Variants in C9orf153 observed in about 807,000 individuals in gnomAD.
The protein encoded by C9orf153 is chromosome 9 open reading frame 153, also known as uncharacterized protein C9orf153.
In C9orf153, 10 loss-of-function variants were observed where a neutral mutation model predicts 9.0. The ratio of observed to expected loss-of-function variants is 1.11; its 90% CI spans 0.69 to 1.89. The LOEUF (loss-of-function observed/expected upper bound fraction) is 1.89, where lower values mean the gene tolerates loss of function less well. Among genes scored for constraint, C9orf153 ranks in the 40% most tolerant of loss-of-function variants. C9orf153 has a pLI of 0.00. For missense variants in C9orf153, 108 were observed against 111.0 expected (o/e 0.97, Z 0.12); for synonymous variants, 35 against 37.3 (o/e 0.94, Z 0.23).
At chr9:86,229,367 T>C (rs1824411915) in intron 2 of C9orf153, among the ~76,000 whole-genome samples, 171 bp downstream of exon 2, 1 of 152,078 alleles carries the variant, frequency 6.6e-6, no homozygotes, top group Admixed American at 6.6e-5. Context: ...CCACCTGCCC[T>C]GGGAAGAGCT....
chr9:86,221,149 T>C lies in C9orf153; in HGVS notation c.*539A>G, dbSNP rs1354784789. On this transcript the variant is annotated 3_prime_UTR_variant, in exon 4 of 4. Coordinates refer to ENST00000339137, the MANE Select transcript of C9orf153 (RefSeq NM_001276366.4). ...ATATGCTCAGATGTTAATTTGTTTG[T>C]TGAATGTACCAAATACTTTATGATG... 3 of 152,312 alleles carry C rather than the reference T, an allele frequency of 2.0e-5. No homozygotes were observed. The highest frequency in any genetic ancestry group is 2.9e-5 in the Non-Finnish European group (2 of 68,098). The allele number at this position is 152,312 out of a possible 1,614,324, so 9.4% of individuals were successfully genotyped here. A position where few individuals can be genotyped will look rare whatever the true frequency, so the allele number is the denominator to read the frequency against.
In C9orf153 at chr9:86,228,033, G is replaced by A; in HGVS notation, c.67-3C>T. 1 of 1,574,564 alleles carries A rather than the reference G, an allele frequency of 6.4e-7. No individual in the cohort carries two copies. Among genetic ancestry groups the A allele is most frequent in the East Asian group, 2.3e-5 (1 of 43,922 alleles). ...ATACATGCATATAATTCTGGAAGCT[G>A]TGGACAAAAAAAAAAGTGGTAAGTC... On this transcript the variant is annotated splice_polypyrimidine_tract_variant and splice_region_variant and intron_variant, in intron 2 of 3. Transcript: ENST00000339137.
At chr9:86,226,329 T>C (rs995585674) in intron 3 of C9orf153, among the ~76,000 whole-genome samples, 6 of 152,104 alleles carry the variant, frequency 3.9e-5, no homozygotes. Flanking sequence ...TTACTTTTTT[T>C]TTTCTTCTTT....
chr9:86,233,453 C>G (rs953273564), intron 1 of C9orf153, among the ~76,000 whole-genome samples: 3 of 151,936 alleles, frequency 2.0e-5, no homozygotes, highest in African/African-American at 7.3e-5. Flanking sequence ...GTCTGGTTCT[C>G]TCACCCAGGC....
chr9:86,232,738 C>CTTTTTTTTTTTTTTTT, intron 1 of C9orf153, among the ~76,000 whole-genome samples: 1 of 151,720 alleles, frequency 6.6e-6, no homozygotes, highest in African/African-American at 2.4e-5. Context: ...TTTTTCTTTT[C>CTTTTTTTTTTTTTTTT]TTTTCTTTTT....
chr9:86,224,785 A>AG (rs2131171639), intron 3 of C9orf153, among the ~76,000 whole-genome samples: 1 of 151,076 alleles, frequency 6.6e-6, no homozygotes, highest in East Asian at 1.9e-4. Context: ...AAAAAAAAAA[A>AG]AAAATTAGCT....
chr9:86,235,767 A>T (rs58724321), intron 1 of C9orf153, among the ~76,000 whole-genome samples: 6 of 145,920 alleles, frequency 4.1e-5, no homozygotes, highest in Non-Finnish European at 7.4e-5. Context: ...AAAAAAAAAA[A>T]AGAGAGAGAG....
chr9:86,259,052 T>C (rs1344111583), intron 1 of C9orf153, among the ~76,000 whole-genome samples: 1 of 150,960 alleles, frequency 6.6e-6, no homozygotes, highest in African/African-American at 2.4e-5. Context: ...TTCTTTGAGA[T>C]AGGCTCTCAT....
At chr9:86,252,864 C>A (rs1028248994) in intron 1 of C9orf153, among the ~76,000 whole-genome samples, 1 of 152,176 alleles carries the variant, frequency 6.6e-6, no homozygotes. Context: ...AGATTGCTAA[C>A]CCAACATCAA....
At chr9:86,222,874 T>C (rs141789641) in intron 3 of C9orf153, among the ~76,000 whole-genome samples, 1 of 152,292 alleles carries the variant, frequency 6.6e-6, no homozygotes, top group Non-Finnish European at 1.5e-5. Flanking sequence ...ATGTCACCTG[T>C]AGTCCAAAGA....
intron 1 of C9orf153, among the ~76,000 whole-genome samples, chr9:86,246,586 G>C (rs1824868820): frequency 6.6e-6 from 1 of 152,126 alleles, no homozygotes; most frequent in Admixed American, 6.6e-5. Flanking sequence ...AATCTCATTT[G>C]CATTTCAAAA....
At chr9:86,227,716 G>T in intron 3 of C9orf153, 139 bp downstream of exon 3, 1 of 1,391,442 alleles carries the variant, frequency 7.2e-7, no homozygotes, top group South Asian at 2.0e-5. Context: ...AAGTGTGCTT[G>T]GGAGGGGAGA....
intron 1 of C9orf153, among the ~76,000 whole-genome samples, chr9:86,241,465 G>A (rs988604404): frequency 6.6e-6 from 1 of 152,130 alleles, no homozygotes; most frequent in Non-Finnish European, 1.5e-5. Context: ...GGTCTGTGCC[G>A]AGCACAGCAA....
At position 86,229,000 on chromosome 9, in the gene C9orf153, C is replaced by T. The variant is rs200327661; in HGVS notation, c.66+538G>A. 10 of 264,004 alleles carry T rather than the reference C, an allele frequency of 3.8e-5. No individual in the cohort carries two copies. The East Asian group carries it at 5.0e-4, about 13-fold the overall frequency. 16.4% of individuals were successfully genotyped at this position (264,004 alleles called of 1,614,324 possible). A position where few individuals can be genotyped will look rare whatever the true frequency, so the allele number is the denominator to read the frequency against. Reference sequence around the variant, plus strand: ...CTTCAAGTAAGAGGCGACAAGGGCCCGTGGACCAGGAGGATTGCTTTTAAT... The same window carrying T: ...CTTCAAGTAAGAGGCGACAAGGGCCTGTGGACCAGGAGGATTGCTTTTAAT... On this transcript the variant is annotated intron_variant, in intron 2 of 3. Coordinates refer to ENST00000339137, the MANE Select transcript of C9orf153 (RefSeq NM_001276366.4).
intron 3 of C9orf153, among the ~76,000 whole-genome samples, chr9:86,222,606 G>A (rs1407946953): frequency 6.6e-6 from 1 of 152,112 alleles, no homozygotes; most frequent in Non-Finnish European, 1.5e-5. Context: ...CAAGGAGAAA[G>A]AATCAAGCAA....
At chr9:86,225,745 A>G (rs1399704254) in intron 3 of C9orf153, among the ~76,000 whole-genome samples, 1 of 152,188 alleles carries the variant, frequency 6.6e-6, no homozygotes, top group African/African-American at 2.4e-5. Context: ...TTGGCCTGCC[A>G]AAGTGCTGGG....
intron 1 of C9orf153, among the ~76,000 whole-genome samples, chr9:86,243,584 G>C (rs1051209726): frequency 6.6e-6 from 1 of 151,580 alleles, no homozygotes; most frequent in Non-Finnish European, 1.5e-5. Context: ...TCCTGCCTCA[G>C]CCTCTCAGAC....
intron 1 of C9orf153, among the ~76,000 whole-genome samples, chr9:86,231,813 AT>A (rs1021748215): frequency 1.3e-5 from 2 of 152,054 alleles, no homozygotes; most frequent in Admixed American, 1.3e-4. Context: ...AAGGAAGGAA[AT>A]TTTTTCTGCA....
At chr9:86,255,666 G>C (rs564770904) in intron 1 of C9orf153, among the ~76,000 whole-genome samples, 15 of 152,196 alleles carry the variant, frequency 9.9e-5, no homozygotes, top group African/African-American at 3.4e-4. Flanking sequence ...CATTCTCTTC[G>C]TAACCTCAAG....
Sources: allele counts gnomAD v4.1 joint callset (sites outside exome capture counted in the v4.1 genomes callset), GRCh38; gene constraint gnomAD v4.1.1; transcripts MANE v1.5; gene names NCBI Gene and HGNC (gene_info 2026-07-23, HGNC 2026-07-21).